PDE4D: variants seen among roughly 807,000 people sequenced by gnomAD.
PDE4D encodes 3',5'-cyclic-AMP phosphodiesterase 4D.
PDE4D carries 24 observed loss-of-function variants against 87.4 expected under a neutral mutation model. The observed-to-expected ratio is 0.27, with a 90% CI of 0.20 to 0.39. PDE4D has a LOEUF of 0.39. Ranked by LOEUF, PDE4D falls within the 10% of genes least tolerant of loss-of-function variation. The probability of loss-of-function intolerance (pLI) is 1.00; values close to 1 mark genes in which losing one functional copy is unlikely to be tolerated. For missense variants in PDE4D, 714 were observed against 1,041.0 expected (o/e 0.69, Z 4.32); for synonymous variants, 384 against 383.2 (o/e 1.00, Z -0.02).
intron 1 of PDE4D, among the ~76,000 whole-genome samples, chr5:60,382,689 G>A (rs76104796): frequency 1.3e-5 from 2 of 152,114 alleles, no homozygotes; most frequent in African/African-American, 4.8e-5. Context: ...ACTTCTTACT[G>A]AAGTTTTAGA....
chr5:59,681,356 C>G (rs1329484302), intron 1 of PDE4D, among the ~76,000 whole-genome samples: 4 of 152,036 alleles, frequency 2.6e-5, no homozygotes, highest in Non-Finnish European at 5.9e-5. Flanking sequence ...CAGAAACAAG[C>G]ACGAAGAAAC....
At chr5:59,989,831 T>C (rs939513398) in intron 2 of PDE4D, among the ~76,000 whole-genome samples, 1 of 152,192 alleles carries the variant, frequency 6.6e-6, no homozygotes, top group Non-Finnish European at 1.5e-5. Flanking sequence ...AACATGCTTC[T>C]ATAGAGTGTT....
intron 2 of PDE4D, among the ~76,000 whole-genome samples, chr5:60,120,572 C>T (rs1249496135): frequency 6.6e-6 from 1 of 152,200 alleles, no homozygotes; most frequent in Non-Finnish European, 1.5e-5. Context: ...CAGAACTTCA[C>T]TCCCATGGAC....
chr5:59,493,230 A>T (rs1046634047), intron 1 of PDE4D, among the ~76,000 whole-genome samples: 2 of 152,214 alleles, frequency 1.3e-5, no homozygotes, highest in Admixed American at 1.3e-4. Context: ...AAAGAATGAA[A>T]ACCTCTTATT....
At chr5:59,727,600 G>T (rs779475973) in intron 1 of PDE4D, among the ~76,000 whole-genome samples, 9 of 152,076 alleles carry the variant, frequency 5.9e-5, no homozygotes, top group African/African-American at 2.2e-4. Context: ...GAGATCCTCA[G>T]AACAGCTACT....
At chr5:60,274,734 G>A (rs541042905) in intron 1 of PDE4D, among the ~76,000 whole-genome samples, 29 of 152,314 alleles carry the variant, frequency 1.9e-4, no homozygotes, top group African/African-American at 6.5e-4. Context: ...AGAAAACCAA[G>A]CAGAGATCAT....
intron 1 of PDE4D, among the ~76,000 whole-genome samples, chr5:59,813,591 A>C (rs1260120926): frequency 6.6e-6 from 1 of 152,198 alleles, no homozygotes. Context: ...TCCTAAGCCA[A>C]TAAAATTATT....
At chr5:59,403,037 C>T (rs973700932) in intron 1 of PDE4D, among the ~76,000 whole-genome samples, 4 of 151,826 alleles carry the variant, frequency 2.6e-5, no homozygotes, top group African/African-American at 7.3e-5. Context: ...TTATATATTA[C>T]CTTCTTTATT....
At chr5:60,391,212 G>A (rs1222799574) in intron 1 of PDE4D, among the ~76,000 whole-genome samples, 1 of 152,100 alleles carries the variant, frequency 6.6e-6, no homozygotes, top group Non-Finnish European at 1.5e-5. Context: ...ATAAATAATT[G>A]AATAAATGAT....
intron 1 of PDE4D, among the ~76,000 whole-genome samples, chr5:59,421,884 A>T (rs1794537849): frequency 6.6e-6 from 1 of 152,212 alleles, no homozygotes; most frequent in Non-Finnish European, 1.5e-5. Context: ...TTTTACAAGA[A>T]TTTATTGAAT....
At chr5:59,801,922 A>C (rs894958389) in intron 1 of PDE4D, among the ~76,000 whole-genome samples, 1 of 152,324 alleles carries the variant, frequency 6.6e-6, no homozygotes, top group African/African-American at 2.4e-5. Flanking sequence ...AATAAAGTTC[A>C]TGCTTTGTGC....
At chr5:59,229,516 G>T (rs1034296641) in intron 1 of PDE4D, among the ~76,000 whole-genome samples, 3 of 152,122 alleles carry the variant, frequency 2.0e-5, no homozygotes, top group Non-Finnish European at 4.4e-5. Flanking sequence ...TGGGATCAAG[G>T]TTTTGTGGTA....
chr5:60,337,388 T>TATATATATATATACACACACACACACAC (rs66871903), intron 1 of PDE4D, among the ~76,000 whole-genome samples: 1 of 89,474 alleles, frequency 1.1e-5, no homozygotes, highest in African/African-American at 4.3e-5. Context: ...TATATATATA[T>TATATATATATATACACACACACACACAC]ACACACACAC....
At chr5:60,438,984 A>G (rs1392832458) in intron 1 of PDE4D, among the ~76,000 whole-genome samples, 2 of 152,090 alleles carry the variant, frequency 1.3e-5, no homozygotes, top group Non-Finnish European at 2.9e-5. Flanking sequence ...ACAAGCATGC[A>G]CTGTTGGAGA....
intron 1 of PDE4D, among the ~76,000 whole-genome samples, chr5:59,747,570 G>A (rs1207740843): frequency 2.6e-5 from 4 of 152,084 alleles, no homozygotes; most frequent in African/African-American, 9.7e-5. Context: ...CAGAGATGAT[G>A]GATCATTTCT....
At position 59,869,413 on chromosome 5, in the gene PDE4D, A is replaced by G. The variant is rs191569325; in HGVS notation, c.455+23755T>C. On this transcript the variant is annotated intron_variant, in intron 1 of 14. Coordinates refer to ENST00000340635, the MANE Select transcript of PDE4D (RefSeq NM_001104631.2). ...TTTCCAAGTGCTGAATTAGGTCAAAATCAGCCAAATAATAGAGAGTGATGT... is the reference window on the plus strand; with the variant it reads ...TTTCCAAGTGCTGAATTAGGTCAAAGTCAGCCAAATAATAGAGAGTGATGT... 5.4e-4 allele frequency among the ~76,000 whole-genome samples: 82 copies of G among 152,338 alleles called. 2 individuals carry two copies. Among genetic ancestry groups the G allele is most frequent in the Admixed American group, 4.8e-3 (74 of 15,292 alleles).
At chr5:59,529,046 G>A (rs1237070367) in intron 1 of PDE4D, 4 of 465,874 alleles carry the variant, frequency 8.6e-6, no homozygotes, top group Admixed American at 2.4e-5. Context: ...AGGGCTCATC[G>A]AAGATCTTGC....
chr5:59,463,056 C>T lies in PDE4D; in HGVS notation c.456-247088G>A, dbSNP rs565311145. Among the ~76,000 whole-genome samples, 3 of 152,186 alleles carry T rather than the reference C, an allele frequency of 2.0e-5. No individual in the cohort carries two copies. The South Asian group carries it at 6.2e-4, about 32-fold the overall frequency. On this transcript the variant is annotated intron_variant, in intron 1 of 14. Coordinates refer to ENST00000340635, the MANE Select transcript of PDE4D (RefSeq NM_001104631.2). ...AATGTCCTTGGTTAGTCATTAAATT[C>T]AATTATTGACTGTATATTGAGAAGG...
chr5:60,150,297 C>T (rs1451837327), intron 2 of PDE4D, among the ~76,000 whole-genome samples: 1 of 151,862 alleles, frequency 6.6e-6, no homozygotes, highest in African/African-American at 2.4e-5. Flanking sequence ...AAACTAGGCT[C>T]AGTCTCTGGT....
Sources: allele counts gnomAD v4.1 joint callset (sites outside exome capture counted in the v4.1 genomes callset), GRCh38; gene constraint gnomAD v4.1.1; transcripts MANE v1.5; gene names NCBI Gene and HGNC (gene_info 2026-07-23, HGNC 2026-07-21).